Variants in DOCK4 observed in about 807,000 individuals in gnomAD.
DOCK4 encodes dedicator of cytokinesis protein 4.
A neutral mutation model predicts 268.1 loss-of-function variants in DOCK4; 97 were observed. That is an observed-to-expected ratio of 0.36 (90% CI 0.31 to 0.43). The LOEUF is 0.43. Among genes scored for constraint, DOCK4 ranks in the 20% least tolerant of loss-of-function variants. The pLI is 1.00. For synonymous variants in DOCK4, 954 were observed against 887.2 expected (o/e 1.08, Z -1.34); for missense variants, 2,145 against 2,455.7 (o/e 0.87, Z 2.67).
At chr7:112,029,659 T>G (rs1238624273) in intron 1 of DOCK4, among the ~76,000 whole-genome samples, 1 of 152,170 alleles carries the variant, frequency 6.6e-6, no homozygotes, top group African/African-American at 2.4e-5. Flanking sequence ...CTCTTGAACT[T>G]ACATGGAAAT....
At chr7:111,887,109 A>G (rs1204330752) in intron 16 of DOCK4, among the ~76,000 whole-genome samples, 1 of 152,194 alleles carries the variant, frequency 6.6e-6, no homozygotes, top group Non-Finnish European at 1.5e-5. Flanking sequence ...CTTGGATTAA[A>G]GTATTATCGA....
At chr7:112,108,678 A>G (rs1223198601) in intron 1 of DOCK4, among the ~76,000 whole-genome samples, 1 of 152,258 alleles carries the variant, frequency 6.6e-6, no homozygotes, top group Non-Finnish European at 1.5e-5. Context: ...GTTTCCACAT[A>G]TACCAAAATA....
chr7:111,928,076 C>T (rs1331170577), intron 12 of DOCK4, among the ~76,000 whole-genome samples: 1 of 152,178 alleles, frequency 6.6e-6, no homozygotes, highest in African/African-American at 2.4e-5. Flanking sequence ...TAAGATTAAA[C>T]TGTTTCTTCA....
chr7:112,140,241 C>T (rs1330269262), intron 1 of DOCK4, among the ~76,000 whole-genome samples: 2 of 152,210 alleles, frequency 1.3e-5, no homozygotes, highest in African/African-American at 4.8e-5. Context: ...GCTGTATGCT[C>T]TCCCCTAGAA....
At chr7:112,025,055 C>A (rs1802654844) in intron 1 of DOCK4, among the ~76,000 whole-genome samples, 1 of 152,166 alleles carries the variant, frequency 6.6e-6, no homozygotes, top group Non-Finnish European at 1.5e-5. Flanking sequence ...TGAGAAAGCA[C>A]TAATCAACAG....
At chr7:112,183,569 G>A (rs1269584962) in intron 1 of DOCK4, among the ~76,000 whole-genome samples, 1 of 152,208 alleles carries the variant, frequency 6.6e-6, no homozygotes, top group African/African-American at 2.4e-5. Context: ...GCATGGGCAT[G>A]TGGGGTAGGG....
At chr7:111,900,229 C>G in intron 15 of DOCK4, 145 bp downstream of exon 15, 2 of 1,078,862 alleles carry the variant, frequency 1.9e-6, no homozygotes, top group South Asian at 3.4e-5. Context: ...TGTGCCTCCC[C>G]TTTCTGGCTA....
At chr7:111,896,105 G>T (rs1808727538) in intron 15 of DOCK4, among the ~76,000 whole-genome samples, 1 of 152,186 alleles carries the variant, frequency 6.6e-6, no homozygotes. Context: ...GAATGAACAA[G>T]TGAATGAATG....
At chr7:112,133,537 G>C (rs1814009519) in intron 1 of DOCK4, among the ~76,000 whole-genome samples, 1 of 152,028 alleles carries the variant, frequency 6.6e-6, no homozygotes. Flanking sequence ...TTTGAGACTA[G>C]CCTGGGGGAC....
At chr7:111,802,554 A>G (rs1800380624) in intron 30 of DOCK4, among the ~76,000 whole-genome samples, 1 of 152,174 alleles carries the variant, frequency 6.6e-6, no homozygotes, top group Admixed American at 6.5e-5. Flanking sequence ...CCCATGCCTG[A>G]GCTGGTAGAT....
At chr7:111,926,416 C>CGT (rs1586392949) in intron 12 of DOCK4, among the ~76,000 whole-genome samples, 20 of 86,002 alleles carry the variant, frequency 2.3e-4, no homozygotes, top group South Asian at 8.4e-4. Context: ...GGCGACACAG[C>CGT]GAGACAAAGA....
At chr7:112,019,235 A>C (rs375804877) in intron 1 of DOCK4, among the ~76,000 whole-genome samples, 1 of 152,222 alleles carries the variant, frequency 6.6e-6, no homozygotes, top group East Asian at 1.9e-4. Context: ...GTGTGCAAGA[A>C]TTTACAGATA....
In DOCK4 at chr7:111,728,549, G is replaced by A; in HGVS notation, c.5653C>T (p.Leu1885=). Residue 1885 remains leucine (L), a synonymous_variant, in exon 53 of 53, where the codon CTG becomes TTG. Transcript: ENST00000428084. ...ENQVNEQSAP[L]PVPVPVPVPS... is the part of the protein sequence containing the mutation. ...ACGGGCACCGGCACTGGCACCGGCA[G>A]GGGGGCCGACTGTTCATTCACCTGA... The A allele has an allele frequency of 6.2e-7, 1 of 1,613,762 alleles. No homozygotes were observed. Among genetic ancestry groups the A allele is most frequent in the Non-Finnish European group, 8.5e-7 (1 of 1,179,808 alleles).
intron 16 of DOCK4, among the ~76,000 whole-genome samples, chr7:111,878,074 T>C (rs1368803236): frequency 1.3e-5 from 2 of 152,144 alleles, no homozygotes; most frequent in East Asian, 3.9e-4. Context: ...ACACAAGAGA[T>C]AGAGCAACAT....
chr7:111,776,814 G>A (rs1015806924), intron 36 of DOCK4, among the ~76,000 whole-genome samples: 6 of 152,066 alleles, frequency 3.9e-5, no homozygotes, highest in South Asian at 2.1e-4. Flanking sequence ...TCATGTAGGT[G>A]AGTAATTTCT....
chr7:112,163,862 G>C (rs567768466), intron 1 of DOCK4, among the ~76,000 whole-genome samples: 13 of 152,266 alleles, frequency 8.5e-5, no homozygotes, highest in Admixed American at 3.9e-4. Context: ...AAGGGGCTAA[G>C]CAAGCACACA....
intron 1 of DOCK4, among the ~76,000 whole-genome samples, chr7:112,086,710 A>T (rs1473943716): frequency 6.6e-6 from 1 of 152,148 alleles, no homozygotes; most frequent in Admixed American, 6.6e-5. Flanking sequence ...CCCAACTCTG[A>T]AGTCACATCT....
chr7:111,878,152 T>A (rs1486394468), intron 16 of DOCK4, among the ~76,000 whole-genome samples: 1 of 152,194 alleles, frequency 6.6e-6, no homozygotes, highest in Non-Finnish European at 1.5e-5. Flanking sequence ...AGATGCCTGG[T>A]CTTATCTCTT....
intron 1 of DOCK4, among the ~76,000 whole-genome samples, chr7:112,101,991 C>T (rs1361071842): frequency 2.0e-5 from 3 of 152,162 alleles, no homozygotes; most frequent in East Asian, 1.9e-4. Context: ...TACAGGCACC[C>T]GCCACCACGC....
Sources: allele counts gnomAD v4.1 joint callset (sites outside exome capture counted in the v4.1 genomes callset), GRCh38; gene constraint gnomAD v4.1.1; transcripts MANE v1.5; gene names NCBI Gene and HGNC (gene_info 2026-07-23, HGNC 2026-07-21).